ZNF454: variants seen among roughly 807,000 people sequenced by gnomAD.
ZNF454 encodes zinc finger protein 454.
In ZNF454, 30 loss-of-function variants were observed where a neutral mutation model predicts 48.2. The ratio of observed to expected loss-of-function variants is 0.62; its 90% CI spans 0.47 to 0.84. ZNF454 has a LOEUF of 0.84. Among genes scored for constraint, ZNF454 ranks in the 40% least tolerant of loss-of-function variants. The pLI, the probability that ZNF454 is intolerant of heterozygous loss-of-function variation, is 0.00. For missense variants in ZNF454, 510 were observed against 623.1 expected (o/e 0.82, Z 1.93); for synonymous variants, 204 against 211.4 (o/e 0.97, Z 0.30).
the ZNF454 span, chr5:178,986,754 C>A: frequency 6.2e-7 from 1 of 1,608,502 alleles, no homozygotes; most frequent in South Asian, 1.1e-5. Flanking sequence ...GGGCCTCCAC[C>A]TGGGACGCAC....
downstream of ZNF454, among the ~76,000 whole-genome samples, chr5:178,967,690 G>T (rs1000744925): frequency 6.6e-6 from 1 of 150,642 alleles, no homozygotes; most frequent in Non-Finnish European, 1.5e-5. Flanking sequence ...TGGTACAGTC[G>T]TCCTGCAAGT....
At chr5:178,985,594 T>A in the ZNF454 span, 251 of 347,090 alleles carry the variant, frequency 7.2e-4, no homozygotes, top group Non-Finnish European at 1.2e-3. Flanking sequence ...TCCCAGCTAC[T>A]CGGGAGGCTG....
At chr5:178,971,181 T>G (rs1760228139), downstream of ZNF454, among the ~76,000 whole-genome samples, 1 of 152,136 alleles carries the variant, frequency 6.6e-6, no homozygotes, top group African/African-American at 2.4e-5. Context: ...ACAAATGTAC[T>G]CAATATTCCT....
chr5:178,986,413 G>C, the ZNF454 span: 1 of 1,613,754 alleles, frequency 6.2e-7, no homozygotes, highest in East Asian at 2.2e-5. Flanking sequence ...CCGGACGATG[G>C]GCGTGTTGTT....
chr5:178,955,927 C>T (rs1326632754), intron 4 of ZNF454, among the ~76,000 whole-genome samples: 1 of 152,112 alleles, frequency 6.6e-6, no homozygotes, highest in South Asian at 2.1e-4. Flanking sequence ...TATTGAGACC[C>T]CTGGGCTCTG....
At chr5:178,960,734 C>T (rs1165159691) in intron 4 of ZNF454, among the ~76,000 whole-genome samples, 2 of 151,598 alleles carry the variant, frequency 1.3e-5, no homozygotes, top group Non-Finnish European at 2.9e-5. Flanking sequence ...GGAGAATTGA[C>T]CCTTTTGTCT....
At chr5:178,973,861 G>GA in the ZNF454 span, among the ~76,000 whole-genome samples, 9 of 144,618 alleles carry the variant, frequency 6.2e-5, no homozygotes, top group African/African-American at 2.0e-4. Flanking sequence ...AAAAAAAAAA[G>GA]GTCGACTGAA....
At chr5:178,983,206 C>A in the ZNF454 span, 3 of 1,612,122 alleles carry the variant, frequency 1.9e-6, no homozygotes, top group Non-Finnish European at 2.5e-6. Context: ...CCCAGCCATG[C>A]TATCATCCCC....
chr5:178,984,728 G>A, the ZNF454 span, among the ~76,000 whole-genome samples: 2 of 152,140 alleles, frequency 1.3e-5, no homozygotes, highest in Admixed American at 6.5e-5. Flanking sequence ...GGAGGAAGAC[G>A]GGAGCACCTC....
Position 178,965,771 on chromosome 5 carries a change from C to T in ZNF454, c.1367C>T (p.Thr456Ile), listed in dbSNP as rs1451748677. ...EKAFSDHSAL[T>I]QHKRIHTREK... is the part of the protein sequence containing the mutation. ...GCCTTCAGTGACCATTCAGCCCTTA[C>T]CCAACATAAGAGAATTCATACTAGG... Residue 456 changes from threonine to isoleucine, a missense_variant, in exon 5 of 5, where the codon ACC becomes ATC. Physicochemically the swap from Thr to Ile is moderately conservative, Grantham distance 89. Around this residue, in one of 3 missense-constraint regions of ZNF454, gnomAD observed 153 missense variants for 195.8 expected, o/e 0.78. Coordinates refer to ENST00000519564, the MANE Select transcript of ZNF454 (RefSeq NM_001178089.3). The surrounding 1 kb of genome is among the most constrained non-coding windows in gnomAD (Gnocchi z 5.2). The T allele has an allele frequency of 6.2e-7, 1 of 1,614,106 alleles. No homozygotes were observed. The highest frequency in any genetic ancestry group is 1.1e-5 in the South Asian group (1 of 91,070).
chr5:178,988,898 G>C, the ZNF454 span: 2 of 1,558,052 alleles, frequency 1.3e-6, no homozygotes, highest in Admixed American at 3.4e-5. This position sits in a 1 kb window ranked among gnomAD's most constrained non-coding sequence, Gnocchi z 6.0. Flanking sequence ...CCCCCCAGCT[G>C]TCCTTCACTG....
At chr5:178,948,869 A>G (rs1413329444) in intron 4 of ZNF454, among the ~76,000 whole-genome samples, 1 of 148,446 alleles carries the variant, frequency 6.7e-6, no homozygotes, top group Admixed American at 6.8e-5. Flanking sequence ...TAATAAATTT[A>G]CATAATGTAT....
intron 4 of ZNF454, among the ~76,000 whole-genome samples, chr5:178,948,491 C>T (rs1268167612): frequency 6.6e-6 from 1 of 152,164 alleles, no homozygotes; most frequent in Non-Finnish European, 1.5e-5. Flanking sequence ...CTTCATTGCA[C>T]CCTTGAGAGA....
intron 2 of ZNF454, among the ~76,000 whole-genome samples, chr5:178,943,995 C>G (rs1161296144): frequency 6.6e-6 from 1 of 152,054 alleles, no homozygotes; most frequent in Admixed American, 6.6e-5. Flanking sequence ...CCAGTGCACT[C>G]CAGCCTGAGT....
At chr5:178,942,936 C>A in intron 2 of ZNF454, 112 bp downstream of exon 2, 1 of 1,205,418 alleles carries the variant, frequency 8.3e-7, no homozygotes, top group Non-Finnish European at 1.2e-6. Flanking sequence ...CAGACACTGA[C>A]CTCAGTTGCC....
the ZNF454 span, chr5:178,983,599 G>T: frequency 2.5e-6 from 1 of 403,670 alleles, no homozygotes; most frequent in Non-Finnish European, 5.0e-6. Flanking sequence ...GGAAGCTCTG[G>T]AACTGAGGCC....
At chr5:178,986,175 G>A in the ZNF454 span, 10 of 1,613,922 alleles carry the variant, frequency 6.2e-6, 1 homozygote, top group South Asian at 1.1e-4. Context: ...GTGAGGTGGG[G>A]CTGATGAAGG....
chr5:178,981,597 C>T, the ZNF454 span: 3 of 1,337,092 alleles, frequency 2.2e-6, no homozygotes, highest in South Asian at 1.2e-5. This position sits in a 1 kb window ranked among gnomAD's most constrained non-coding sequence, Gnocchi z 5.1. Flanking sequence ...ATACAGCTTC[C>T]ACCTCGAGGC....
chr5:178,945,694 T>A (rs78469325), intron 2 of ZNF454, among the ~76,000 whole-genome samples: 2 of 132,064 alleles, frequency 1.5e-5, no homozygotes, highest in African/African-American at 5.8e-5. Flanking sequence ...TCTCTGTGTG[T>A]GGGGGGGTGT....
Sources: allele counts gnomAD v4.1 joint callset (sites outside exome capture counted in the v4.1 genomes callset), GRCh38; gene constraint gnomAD v4.1.1; regional missense constraint gnomAD v4.1.1; non-coding constraint Gnocchi (gnomAD v3.1); transcripts MANE v1.5; gene names NCBI Gene and HGNC (gene_info 2026-07-23, HGNC 2026-07-21).